The following WNK2 variants were observed in gnomAD, a reference collection of about 807,000 sequenced individuals.
The protein encoded by WNK2 is serine/threonine-protein kinase WNK2.
WNK2 carries 67 observed loss-of-function variants against 192.1 expected under a neutral mutation model. The observed-to-expected ratio is 0.35, with a 90% confidence interval of 0.29 to 0.43. The LOEUF is 0.43. Ranked by LOEUF, WNK2 falls within the 20% of genes least tolerant of loss-of-function variation. WNK2 has a pLI of 1.00. For synonymous variants in WNK2, 1,439 were observed against 1,393.9 expected (o/e 1.03, Z -0.72); for missense variants, 2,698 against 3,089.7 (o/e 0.87, Z 3.01).
intron 12 of WNK2, among the ~76,000 whole-genome samples, chr9:93,260,425 C>A (rs1028380822): frequency 2.6e-5 from 4 of 152,202 alleles, no homozygotes; most frequent in Non-Finnish European, 4.4e-5. Context: ...CCTCCTCCTA[C>A]CTGGCCTTAC....
intron 2 of WNK2, among the ~76,000 whole-genome samples, chr9:93,205,930 CAG>C (rs972588039): frequency 4.9e-4 from 74 of 152,114 alleles, no homozygotes; most frequent in South Asian, 2.1e-4. Context: ...AGAGGAAAAT[CAG>C]GGGTGGGTTT....
chr9:93,197,843 C>T (rs538662473), intron 2 of WNK2, among the ~76,000 whole-genome samples: 4 of 152,210 alleles, frequency 2.6e-5, no homozygotes, highest in African/African-American at 4.8e-5. Context: ...TCTGTACGAC[C>T]GTGTGAGGTC....
chr9:93,320,108 C>T (rs922625602), intron 29 of WNK2, among the ~76,000 whole-genome samples: 7 of 152,196 alleles, frequency 4.6e-5, no homozygotes, highest in South Asian at 2.1e-4. Flanking sequence ...ATGCTCCAGA[C>T]GGTACAGGAG....
At chr9:93,243,927 C>T (rs1488364434) in intron 7 of WNK2, among the ~76,000 whole-genome samples, 1 of 152,232 alleles carries the variant, frequency 6.6e-6, no homozygotes, top group Non-Finnish European at 1.5e-5. Flanking sequence ...TGAGGCTGCT[C>T]TTCTTCCTAA....
chr9:93,224,650 T>G (rs187824246), intron 2 of WNK2, among the ~76,000 whole-genome samples: 4 of 152,300 alleles, frequency 2.6e-5, no homozygotes, highest in Admixed American at 2.6e-4. Context: ...CAGAATGCCT[T>G]AAGTCTTTTG....
intron 2 of WNK2, among the ~76,000 whole-genome samples, chr9:93,222,250 A>G (rs1169267059): frequency 6.6e-6 from 1 of 151,566 alleles, no homozygotes; most frequent in Non-Finnish European, 1.5e-5. Context: ...CTCAGCTGCA[A>G]CCTCTGCTTC....
chr9:93,207,315 C>T (rs1833579554), intron 2 of WNK2, among the ~76,000 whole-genome samples: 1 of 152,176 alleles, frequency 6.6e-6, no homozygotes, highest in African/African-American at 2.4e-5. Flanking sequence ...AGTTGCAGAG[C>T]CGTGGGTTTG....
At chr9:93,228,051 A>AT (rs1838117288) in intron 2 of WNK2, among the ~76,000 whole-genome samples, 1 of 152,056 alleles carries the variant, frequency 6.6e-6, no homozygotes, top group Non-Finnish European at 1.5e-5. Flanking sequence ...CATTAATTAG[A>AT]TTTTTTTGGG....
At chr9:93,287,709 A>C (rs1476820858) in intron 19 of WNK2, among the ~76,000 whole-genome samples, 1 of 151,958 alleles carries the variant, frequency 6.6e-6, no homozygotes, top group Admixed American at 6.6e-5. Flanking sequence ...CCCCATTCTC[A>C]CCTTTTATTT....
chr9:93,270,949 C>T (rs184093161), intron 19 of WNK2, among the ~76,000 whole-genome samples: 11 of 152,166 alleles, frequency 7.2e-5, no homozygotes, highest in East Asian at 1.9e-4. Flanking sequence ...GGTTTCTGTT[C>T]GAAGGTTTGG....
At chr9:93,297,772 G>A (rs1309343036) in intron 23 of WNK2, 81 bp from the exon 24 acceptor site, 11 of 1,436,640 alleles carry the variant, frequency 7.7e-6, no homozygotes, top group Non-Finnish European at 8.5e-6. Context: ...GTTCTCCCAC[G>A]CCACCTCCCT....
rs763469459 is a variant in WNK2 at position 93,320,512 on chromosome 9, T to A, written c.*120T>A. 18 of 1,091,472 alleles carry A rather than the reference T, an allele frequency of 1.6e-5. No individual in the cohort carries two copies. The highest frequency in any genetic ancestry group is 2.3e-5 in the Non-Finnish European group (18 of 791,462). 67.6% of individuals were successfully genotyped at this position (1,091,472 alleles called of 1,614,324 possible). On this transcript the variant is annotated 3_prime_UTR_variant, in exon 30 of 30. Coordinates refer to ENST00000427277, the MANE Select transcript of WNK2 (RefSeq NM_006648.4). ...TTGTAACCACTTTCTAAGCATTTTT[T>A]ATTCACAATTGGAAACACAAATGTA...
chr9:93,267,666 G>A (rs1845384909), intron 16 of WNK2, 80 bp from the exon 17 acceptor site: 1 of 1,448,980 alleles, frequency 6.9e-7, no homozygotes, highest in Non-Finnish European at 9.3e-7. Flanking sequence ...GTACAGGGTA[G>A]ACATCCGTCA....
At chr9:93,204,086 C>T (rs1056846164) in intron 2 of WNK2, among the ~76,000 whole-genome samples, 16 of 151,932 alleles carry the variant, frequency 1.1e-4, no homozygotes, top group African/African-American at 3.6e-4. Flanking sequence ...CTGGTAAGTG[C>T]TGGAGAGGAG....
chr9:93,292,661 T>C lies in WNK2; in HGVS notation c.5196T>C (p.Arg1732=). The change falls in exon 23 of 30, where the codon CGT becomes CGC. Residue 1732 remains arginine (R), a synonymous_variant. Transcript: ENST00000427277. ...GARALGSPRK[R]PEQQDVSSPA... Reference sequence around the variant, plus strand: ...GAGCTTTGGGGTCCCCTCGGAAACGTCCAGAGCAGCAGGATGTCAGCTCAC... The same window carrying C: ...GAGCTTTGGGGTCCCCTCGGAAACGCCCAGAGCAGCAGGATGTCAGCTCAC... The C allele has an allele frequency of 6.3e-7, 1 of 1,578,340 alleles. No homozygotes were observed. The highest frequency in any genetic ancestry group is 8.6e-7 in the Non-Finnish European group (1 of 1,164,080).
At chr9:93,311,485 A>G (rs1313662197) in intron 28 of WNK2, among the ~76,000 whole-genome samples, 2 of 152,234 alleles carry the variant, frequency 1.3e-5, no homozygotes, top group Non-Finnish European at 2.9e-5. Flanking sequence ...TGGTAATTGT[A>G]TGATAGTTTT....
chr9:93,287,614 T>G (rs1327808777), intron 19 of WNK2, among the ~76,000 whole-genome samples: 1 of 152,024 alleles, frequency 6.6e-6, no homozygotes. Flanking sequence ...TTGGTCAAAT[T>G]AGTTTACCTT....
chr9:93,213,755 C>T (rs909362176), intron 2 of WNK2, among the ~76,000 whole-genome samples: 6 of 152,210 alleles, frequency 3.9e-5, no homozygotes, highest in African/African-American at 1.4e-4. Flanking sequence ...CACCATTGCA[C>T]TCCAGCCTGG....
At chr9:93,205,734 C>T (rs1246455431) in intron 2 of WNK2, among the ~76,000 whole-genome samples, 1 of 152,192 alleles carries the variant, frequency 6.6e-6, no homozygotes, top group Non-Finnish European at 1.5e-5. Flanking sequence ...AAGCTGGGGG[C>T]AGCCTTTGAG....
Sources: allele counts gnomAD v4.1 joint callset (sites outside exome capture counted in the v4.1 genomes callset), GRCh38; gene constraint gnomAD v4.1.1; transcripts MANE v1.5; gene names NCBI Gene and HGNC (gene_info 2026-07-23, HGNC 2026-07-21).